The following PACSIN2 variants were observed in gnomAD, a reference collection of about 807,000 sequenced individuals.
PACSIN2 encodes protein kinase C and casein kinase substrate in neurons protein 2.
PACSIN2 carries 25 observed loss-of-function variants against 63.8 expected under a neutral mutation model. The ratio of observed to expected loss-of-function variants is 0.39; its 90% CI spans 0.29 to 0.55. The LOEUF (loss-of-function observed/expected upper bound fraction) is 0.55, where lower values mean the gene tolerates loss of function less well. Among genes scored for constraint, PACSIN2 ranks in the 20% least tolerant of loss-of-function variants. The probability of loss-of-function intolerance (pLI) is 0.62; values close to 1 mark genes in which losing one functional copy is unlikely to be tolerated. For missense variants in PACSIN2, 518 were observed against 646.9 expected (o/e 0.80, Z 2.16); for synonymous variants, 255 against 256.2 (o/e 1.00, Z 0.05).
chr22:42,871,489 C>A lies in PACSIN2; in HGVS notation c.1349-20G>T, dbSNP rs776993512. 4 of 1,570,846 alleles carry A rather than the reference C, an allele frequency of 2.5e-6. No individual in the cohort carries two copies. The Admixed American group carries it at 5.0e-5, about 20-fold the overall frequency. The stretch of plus-strand genomic sequence containing the variant: ...CATCCCCTGCAAGACAAAGAGGGAG[C>A]CGTCTCCATGAGAGGTATGACACCG... On this transcript the variant is annotated intron_variant, in intron 10 of 10. Transcript: ENST00000263246. This position sits in a 1 kb window ranked among gnomAD's most constrained non-coding sequence, Gnocchi z 5.4.
At chr22:42,914,856 T>C (rs1172286302) in intron 1 of PACSIN2, among the ~76,000 whole-genome samples, 2 of 152,190 alleles carry the variant, frequency 1.3e-5, no homozygotes, top group African/African-American at 2.4e-5. Context: ...GACTGATTGA[T>C]TGACTGACTG....
chr22:42,958,531 A>G (rs1315008731), intron 1 of PACSIN2, among the ~76,000 whole-genome samples: 4 of 152,264 alleles, frequency 2.6e-5, no homozygotes, highest in African/African-American at 9.6e-5. Flanking sequence ...TTTAAAATTC[A>G]TGCAGAATTC....
At chr22:42,980,517 C>G (rs888249334) in intron 1 of PACSIN2, among the ~76,000 whole-genome samples, 1 of 140,514 alleles carries the variant, frequency 7.1e-6, no homozygotes, top group African/African-American at 2.7e-5. Context: ...TCTCCCTCCA[C>G]GGTCTCCCTC....
At chr22:43,010,570 T>C (rs1429122268) in intron 1 of PACSIN2, among the ~76,000 whole-genome samples, 1 of 151,748 alleles carries the variant, frequency 6.6e-6, no homozygotes, top group African/African-American at 2.4e-5. Context: ...ATTAGCCAAG[T>C]GTGGCGGCGG....
rs181289224 is a variant in PACSIN2 at position 42,972,177 on chromosome 22, C to T, written c.-78+42844G>A. On this transcript the variant is annotated intron_variant, in intron 1 of 10. Coordinates refer to ENST00000263246, the MANE Select transcript of PACSIN2 (RefSeq NM_001184970.3). Reference sequence around the variant, plus strand: ...TCTGTGCTAGGAAAGATTCTTCTGCCTTGGGACGCTGTTGATCTATGGCCT... The same window carrying T: ...TCTGTGCTAGGAAAGATTCTTCTGCTTTGGGACGCTGTTGATCTATGGCCT... Among the ~76,000 whole-genome samples the T allele has an allele frequency of 4.6e-3, 704 of 152,328 alleles. 5 individuals are homozygous for T. The highest frequency in any genetic ancestry group is 4.9e-3 in the Non-Finnish European group (336 of 68,026).
chr22:42,911,407 T>TAA (rs75497964), intron 2 of PACSIN2, among the ~76,000 whole-genome samples: 3,592 of 111,352 alleles, frequency 0.032, 64 homozygotes, highest in African/African-American at 0.047. Flanking sequence ...CCTCAACTGT[T>TAA]AAAAAAAAAA....
chr22:43,012,062 T>C (rs961629085), intron 1 of PACSIN2, among the ~76,000 whole-genome samples: 6 of 152,200 alleles, frequency 3.9e-5, no homozygotes, highest in Admixed American at 2.0e-4. Context: ...GGGGAATCAC[T>C]TGAACCTGGG....
chr22:42,943,675 T>C (rs889465744), intron 1 of PACSIN2, among the ~76,000 whole-genome samples: 1 of 152,180 alleles, frequency 6.6e-6, no homozygotes, highest in East Asian at 1.9e-4. Flanking sequence ...CTAATTAACT[T>C]AGATTAAAAC....
rs35082654 is a variant in PACSIN2 at position 42,870,032 on chromosome 22, T to TC, written c.*1324dup. 6.6e-6 allele frequency: 1 copy of TC among 150,628 alleles called. No individual in the cohort carries two copies. The highest frequency in any genetic ancestry group is 2.1e-4 in the South Asian group (1 of 4,768). 9.3% of individuals were successfully genotyped at this position (150,628 alleles called of 1,614,324 possible). A position where few individuals can be genotyped will look rare whatever the true frequency, so the allele number is the denominator to read the frequency against. On this transcript the variant is annotated 3_prime_UTR_variant, in exon 11 of 11. Coordinates refer to ENST00000263246, the MANE Select transcript of PACSIN2 (RefSeq NM_001184970.3). ...ACGTGAAACACAGGTTCCCCCACGT[T>TC]CCCCCCACCCCCGCCGGCCCGCGTG...
At chr22:42,983,621 G>A (rs57753949) in intron 1 of PACSIN2, among the ~76,000 whole-genome samples, 3 of 151,996 alleles carry the variant, frequency 2.0e-5, no homozygotes, top group Admixed American at 1.3e-4. Context: ...TGACATATGA[G>A]AATATATCAA....
intron 1 of PACSIN2, among the ~76,000 whole-genome samples, chr22:42,952,191 C>T (rs932723595): frequency 1.3e-5 from 2 of 152,108 alleles, no homozygotes; most frequent in Admixed American, 6.5e-5. Context: ...ACCACTGATA[C>T]GTAACAGGCA....
intron 2 of PACSIN2, among the ~76,000 whole-genome samples, chr22:42,899,349 C>A (rs1346583140): frequency 6.6e-6 from 1 of 152,046 alleles, no homozygotes; most frequent in Non-Finnish European, 1.5e-5. Context: ...CGCAGTGGTG[C>A]CATCTCGGCT....
At chr22:42,912,570 A>G (rs963093530) in intron 1 of PACSIN2, among the ~76,000 whole-genome samples, 3 of 152,188 alleles carry the variant, frequency 2.0e-5, no homozygotes, top group Admixed American at 2.0e-4. Context: ...CTCCACCTTT[A>G]CTGACTCCGC....
chr22:42,888,481 AG>A (rs1270319882), intron 5 of PACSIN2, among the ~76,000 whole-genome samples, 161 bp downstream of exon 5: 1 of 152,152 alleles, frequency 6.6e-6, no homozygotes, highest in African/African-American at 2.4e-5. Flanking sequence ...GCGAGGTGCT[AG>A]GGCACTCACC....
intron 1 of PACSIN2, among the ~76,000 whole-genome samples, chr22:42,978,171 T>C (rs1921837457): frequency 6.6e-6 from 1 of 152,182 alleles, no homozygotes; most frequent in African/African-American, 2.4e-5. Flanking sequence ...AGAGCTTAAA[T>C]TCAGGGGTGT....
chr22:42,908,850 T>G (rs895144778), intron 2 of PACSIN2, among the ~76,000 whole-genome samples: 10 of 152,104 alleles, frequency 6.6e-5, no homozygotes, highest in Admixed American at 2.6e-4. Context: ...AGGCCTCCTC[T>G]GCTGACTCTG....
chr22:42,897,688 T>C (rs1418751767), intron 2 of PACSIN2, among the ~76,000 whole-genome samples: 3 of 152,182 alleles, frequency 2.0e-5, no homozygotes, highest in Non-Finnish European at 4.4e-5. Context: ...GCCAAGCATG[T>C]ACCTACTGAG....
chr22:42,947,800 T>C (rs1323916690), intron 1 of PACSIN2, among the ~76,000 whole-genome samples: 1 of 152,080 alleles, frequency 6.6e-6, no homozygotes, highest in Non-Finnish European at 1.5e-5. Flanking sequence ...TCAAATGGCA[T>C]CCGGCTGGGA....
At chr22:42,913,415 G>A (rs1931590250) in intron 1 of PACSIN2, among the ~76,000 whole-genome samples, 1 of 150,550 alleles carries the variant, frequency 6.6e-6, no homozygotes, top group African/African-American at 2.4e-5. Context: ...GGAGGTGGAG[G>A]TTGCGGTCAG....
Sources: allele counts gnomAD v4.1 joint callset (sites outside exome capture counted in the v4.1 genomes callset), GRCh38; gene constraint gnomAD v4.1.1; non-coding constraint Gnocchi (gnomAD v3.1); transcripts MANE v1.5; gene names NCBI Gene and HGNC (gene_info 2026-07-23, HGNC 2026-07-21).